The following LPP variants were observed in gnomAD, a reference collection of about 807,000 sequenced individuals.
The protein encoded by LPP is lipoma-preferred partner.
LPP carries 38 observed loss-of-function variants against 60.4 expected under a neutral mutation model. The observed-to-expected ratio is 0.63, with a 90% CI of 0.49 to 0.83. The LOEUF (loss-of-function observed/expected upper bound fraction) is 0.83, where lower values mean the gene tolerates loss of function less well. Ranked by LOEUF, LPP falls within the 40% of genes least tolerant of loss-of-function variation. The pLI is 0.00. For missense variants in LPP, 902 were observed against 783.6 expected (o/e 1.15, Z -1.80); for synonymous variants, 328 against 290.8 (o/e 1.13, Z -1.30).
At chr3:188,333,614 T>C (rs565527301) in intron 2 of LPP, among the ~76,000 whole-genome samples, 2 of 152,348 alleles carry the variant, frequency 1.3e-5, no homozygotes, top group Admixed American at 1.3e-4. Context: ...TGCCCCAAAC[T>C]TTCTGAGATA....
At chr3:188,832,349 G>A (rs1473269904) in intron 9 of LPP, among the ~76,000 whole-genome samples, 1 of 152,128 alleles carries the variant, frequency 6.6e-6, no homozygotes, top group Non-Finnish European at 1.5e-5. Context: ...CAAAAAGCTA[G>A]GATCCTGACT....
chr3:188,632,876 T>C (rs1013689303), intron 7 of LPP, among the ~76,000 whole-genome samples: 1 of 152,120 alleles, frequency 6.6e-6, no homozygotes, highest in East Asian at 1.9e-4. Context: ...TTTTTTCTCA[T>C]CCCCCATTTC....
At chr3:188,449,109 A>G (rs1796002208) in intron 4 of LPP, among the ~76,000 whole-genome samples, 1 of 152,202 alleles carries the variant, frequency 6.6e-6, no homozygotes, top group Non-Finnish European at 1.5e-5. Flanking sequence ...AGGTCCTTGG[A>G]ACCAGGAGTT....
chr3:188,202,241 GGT>G (rs1224893522), intron 1 of LPP, among the ~76,000 whole-genome samples: 1 of 152,094 alleles, frequency 6.6e-6, no homozygotes, highest in Non-Finnish European at 1.5e-5. Context: ...GTAGTTTACA[GGT>G]GTTAGACTAG....
chr3:188,732,196 TTC>T (rs1720864283), intron 8 of LPP, among the ~76,000 whole-genome samples: 1 of 152,156 alleles, frequency 6.6e-6, no homozygotes, highest in Non-Finnish European at 1.5e-5. Context: ...AAGCAATAGG[TTC>T]TTCCTGAGTT....
At chr3:188,460,085 T>A (rs1195143928) in intron 4 of LPP, among the ~76,000 whole-genome samples, 1 of 152,226 alleles carries the variant, frequency 6.6e-6, no homozygotes, top group African/African-American at 2.4e-5. Flanking sequence ...TTTGTCCACC[T>A]TATGACAAAA....
chr3:188,640,813 G>C (rs1849959187), intron 7 of LPP, among the ~76,000 whole-genome samples: 2 of 152,068 alleles, frequency 1.3e-5, no homozygotes, highest in Non-Finnish European at 2.9e-5. Flanking sequence ...CTGTCTACAT[G>C]TCTATACCAT....
At chr3:188,855,038 A>G (rs1161143100) in intron 9 of LPP, among the ~76,000 whole-genome samples, 1 of 152,222 alleles carries the variant, frequency 6.6e-6, no homozygotes, top group African/African-American at 2.4e-5. Flanking sequence ...TCATCACTTA[A>G]GCATGGGTTT....
intron 2 of LPP, among the ~76,000 whole-genome samples, chr3:188,253,181 T>A (rs977800739): frequency 2.0e-5 from 3 of 151,958 alleles, no homozygotes; most frequent in Admixed American, 6.6e-5. Context: ...ATTACACATA[T>A]CTCTCCCAAT....
At chr3:188,199,364 G>A (rs1730406576) in intron 1 of LPP, among the ~76,000 whole-genome samples, 1 of 152,180 alleles carries the variant, frequency 6.6e-6, no homozygotes, top group East Asian at 1.9e-4. Context: ...GGGTGGCCAA[G>A]TTCTGGAAGA....
chr3:188,212,569 A>T (rs1711647768), intron 1 of LPP: 1 of 152,136 alleles, frequency 6.6e-6, no homozygotes, highest in Admixed American at 6.5e-5. Flanking sequence ...GATCTATTGG[A>T]AGAGAGGGAG....
At chr3:188,417,784 T>A (rs986060093) in intron 4 of LPP, among the ~76,000 whole-genome samples, 1 of 152,202 alleles carries the variant, frequency 6.6e-6, no homozygotes, top group Non-Finnish European at 1.5e-5. Context: ...TGCATACAAA[T>A]GCTAAGGCAA....
chr3:188,554,562 TATC>T (rs1829013215), intron 6 of LPP, among the ~76,000 whole-genome samples: 1 of 152,194 alleles, frequency 6.6e-6, no homozygotes, highest in Non-Finnish European at 1.5e-5. Flanking sequence ...AGCCTGCAAC[TATC>T]ATCACCTGAC....
At chr3:188,464,107 G>A (rs1408588482) in intron 4 of LPP, among the ~76,000 whole-genome samples, 1 of 152,186 alleles carries the variant, frequency 6.6e-6, no homozygotes, top group African/African-American at 2.4e-5. Flanking sequence ...AAGCAGGTAT[G>A]TGTTGAGGTT....
At chr3:188,312,492 T>C (rs773530099) in intron 2 of LPP, among the ~76,000 whole-genome samples, 12 of 152,242 alleles carry the variant, frequency 7.9e-5, no homozygotes, top group Admixed American at 2.6e-4. Context: ...TTTGATTTTA[T>C]GTTTCTTTGA....
intron 2 of LPP, among the ~76,000 whole-genome samples, chr3:188,319,199 A>C (rs988342942): frequency 3.3e-5 from 5 of 152,216 alleles, no homozygotes; most frequent in East Asian, 1.9e-4. Flanking sequence ...TTGTCTTCTC[A>C]GGAACACACA....
chr3:188,512,252 C>G (rs1251941476), intron 5 of LPP, among the ~76,000 whole-genome samples: 1 of 152,048 alleles, frequency 6.6e-6, no homozygotes, highest in Non-Finnish European at 1.5e-5. Flanking sequence ...GAATCAGAAC[C>G]ACAAATGTTT....
chr3:188,664,125 G>C (rs545323469), intron 7 of LPP, among the ~76,000 whole-genome samples: 1 of 152,188 alleles, frequency 6.6e-6, no homozygotes, highest in Non-Finnish European at 1.5e-5. Context: ...ATGAGGTTTT[G>C]GTTTTAAGTG....
In LPP at chr3:188,608,364, A is replaced by C. The variant is rs535123693; in HGVS notation, c.430-797A>C. On this transcript the variant is annotated intron_variant, in intron 6 of 11. Transcript: ENST00000617246. ...CCAGTTTTAGTTAATGATGTCAGAT[A>C]AGGGTCCAATATCATTCTTTTGTAT... 8.5e-5 allele frequency among the ~76,000 whole-genome samples: 13 copies of C among 152,338 alleles called. No homozygotes were observed. The South Asian group carries it at 2.7e-3, about 32-fold the overall frequency.
Sources: allele counts gnomAD v4.1 joint callset (sites outside exome capture counted in the v4.1 genomes callset), GRCh38; gene constraint gnomAD v4.1.1; transcripts MANE v1.5; gene names NCBI Gene and HGNC (gene_info 2026-07-23, HGNC 2026-07-21).